TNFRSF8: variants seen among roughly 807,000 people sequenced by gnomAD.
The protein encoded by TNFRSF8 is TNF receptor superfamily member 8.
Under a neutral mutation model 70.8 loss-of-function variants are expected in TNFRSF8, and 26 were observed. That is an observed-to-expected ratio of 0.37 (90% CI 0.27 to 0.51). The LOEUF is 0.51. Among genes scored for constraint, TNFRSF8 ranks in the 20% least tolerant of loss-of-function variants. The pLI, the probability that TNFRSF8 is intolerant of heterozygous loss-of-function variation, is 0.94. For synonymous variants in TNFRSF8, 356 were observed against 339.2 expected, an observed-to-expected ratio of 1.05 and a Z score of -0.54; for missense variants, 720 against 807.9, an observed-to-expected ratio of 0.89 and a Z score of 1.32.
chr1:12,130,350 C>CT (rs1376794452), intron 12 of TNFRSF8, among the ~76,000 whole-genome samples: 2 of 152,214 alleles, frequency 1.3e-5, no homozygotes, highest in Admixed American at 6.5e-5. Flanking sequence ...GGGAGAGCCC[C>CT]TTTAAGCTGG....
At chr1:12,090,697 G>C (rs139384664) in intron 2 of TNFRSF8, among the ~76,000 whole-genome samples, 1 of 152,124 alleles carries the variant, frequency 6.6e-6, no homozygotes, top group South Asian at 2.1e-4. Context: ...TCAACCATGG[G>C]GGGGCAGCTA....
rs1557581383 is a variant in TNFRSF8, at chr1:12,088,410, CGTATCA to C, written c.151+3862_151+3867del. Among the ~76,000 whole-genome samples the C allele has an allele frequency of 3.9e-5, 6 of 152,122 alleles. No individual in the cohort carries two copies. Among genetic ancestry groups the C allele is most frequent in the African/African-American group, 1.4e-4 (6 of 41,410 alleles). ...TCAGGAATTTGCACAAGGCCACATGCGTATCAGTGGCTCAGCCGGGCCGTGAACATG... is the reference window on the plus strand; with the variant it reads ...TCAGGAATTTGCACAAGGCCACATGCGTGGCTCAGCCGGGCCGTGAACATG... On this transcript the variant is annotated intron_variant, in intron 2 of 14. Transcript: ENST00000263932. This position sits in a 1 kb window ranked among gnomAD's most constrained non-coding sequence, Gnocchi z 4.0.
In TNFRSF8 at chr1:12,109,519, T is replaced by C; in HGVS notation, c.422-47T>C. The C allele has an allele frequency of 6.6e-7, 1 of 1,525,042 alleles. No homozygotes were observed. The highest frequency in any genetic ancestry group is 1.1e-5 in the South Asian group (1 of 88,262). 94.5% of individuals were successfully genotyped at this position (1,525,042 alleles called of 1,614,324 possible). A position where few individuals can be genotyped will look rare whatever the true frequency, so the allele number is the denominator to read the frequency against. ...AGTGAAGGGTGTATTCCGGGAGACT[T>C]TGGGTCCCCAACACTGATTCTGAAG... On this transcript the variant is annotated intron_variant, in intron 4 of 14. Coordinates refer to ENST00000263932, the MANE Select transcript of TNFRSF8 (RefSeq NM_001243.5). The surrounding 1 kb of genome is among the most constrained non-coding windows in gnomAD (Gnocchi z 4.4).
intron 10 of TNFRSF8, among the ~76,000 whole-genome samples, chr1:12,125,212 G>A (rs1275653081): frequency 1.3e-5 from 2 of 152,192 alleles, no homozygotes; most frequent in African/African-American, 4.8e-5. Context: ...CTAGCTCTAT[G>A]ATCTCTGTAA....
chr1:12,088,957 C>T lies in TNFRSF8; in HGVS notation c.151+4406C>T, dbSNP rs1016680490. On this transcript the variant is annotated intron_variant, in intron 2 of 14. Transcript: ENST00000263932. This position sits in a 1 kb window ranked among gnomAD's most constrained non-coding sequence, Gnocchi z 4.0. ...GCTCCCCTGTGCCCTCTGACACTGT[C>T]CCAGCAGAGCCCCCTCACAGCACCT... is the stretch of plus-strand genomic sequence containing the variant. Among the ~76,000 whole-genome samples the T allele has an allele frequency of 3.3e-5, 5 of 152,126 alleles. No individual in the cohort carries two copies. Among genetic ancestry groups the T allele is most frequent in the African/African-American group, 1.2e-4 (5 of 41,424 alleles).
intron 1 of TNFRSF8, among the ~76,000 whole-genome samples, chr1:12,079,927 CTACTT>C (rs1641033550): frequency 6.7e-6 from 1 of 150,036 alleles, no homozygotes; most frequent in African/African-American, 2.4e-5. Flanking sequence ...ATTTTTATCA[CTACTT>C]TATTTTTTAA....
At chr1:12,115,510 G>A in intron 7 of TNFRSF8, 67 bp from the exon 8 acceptor site, 4 of 1,565,940 alleles carry the variant, frequency 2.6e-6, no homozygotes, top group Non-Finnish European at 2.6e-6. Flanking sequence ...GTCTTCCTGG[G>A]GGCTCTCTGG....
chr1:12,123,540 G>A (rs933019688), intron 9 of TNFRSF8, among the ~76,000 whole-genome samples, 163 bp downstream of exon 9: 1 of 152,218 alleles, frequency 6.6e-6, no homozygotes, highest in African/African-American at 2.4e-5. Context: ...CCATTGGAAA[G>A]CCAGAAGGCC....
In TNFRSF8 at chr1:12,088,710, G is replaced by A. The variant is rs1341920445; in HGVS notation, c.151+4159G>A. Among the ~76,000 whole-genome samples the A allele has an allele frequency of 6.6e-6, 1 of 152,238 alleles. No individual in the cohort carries two copies. Among genetic ancestry groups the A allele is most frequent in the African/African-American group, 2.4e-5 (1 of 41,462 alleles). ...AAGTGTTAGGTAGGGAGCATGGCAG[G>A]TGTATCCCATCTTGTCCCAGGAGCT... On this transcript the variant is annotated intron_variant, in intron 2 of 14. Transcript: ENST00000263932. The surrounding 1 kb of genome is among the most constrained non-coding windows in gnomAD (Gnocchi z 4.0).
At chr1:12,071,218 T>C (rs1433327057) in intron 1 of TNFRSF8, among the ~76,000 whole-genome samples, 1 of 152,160 alleles carries the variant, frequency 6.6e-6, no homozygotes, top group Non-Finnish European at 1.5e-5. Flanking sequence ...GGTGGGCAGA[T>C]AGTTGGGGCC....
intron 1 of TNFRSF8, among the ~76,000 whole-genome samples, chr1:12,066,165 G>A (rs1161426591): frequency 6.6e-6 from 1 of 151,960 alleles, no homozygotes; most frequent in Non-Finnish European, 1.5e-5. Context: ...ATCTCTCTGG[G>A]CTCAGGCACT....
chr1:12,118,975 C>T (rs1641783839), intron 8 of TNFRSF8, among the ~76,000 whole-genome samples: 1 of 152,170 alleles, frequency 6.6e-6, no homozygotes, highest in Admixed American at 6.5e-5. Context: ...AGCAGTTTTC[C>T]TGCCTCAGCC....
In TNFRSF8 at chr1:12,138,288, C is replaced by T. The variant is rs1642186184; in HGVS notation, c.1395C>T (p.Ser465=). The change falls in exon 14 of 15, where the codon AGC becomes AGT. Residue 465 remains serine, a synonymous_variant. Coordinates refer to ENST00000263932, the MANE Select transcript of TNFRSF8 (RefSeq NM_001243.5). The surrounding 1 kb of genome is among the most constrained non-coding windows in gnomAD (Gnocchi z 5.7). ...TCGCGGAAGAGCGAGGGTTAATGAG[C>T]CAGCCACTGATGGAGACCTGCCACA... ...EPVAEERGLM[S]QPLMETCHSV... 6.2e-7 allele frequency: 1 copy of T among 1,613,472 alleles called. No homozygotes were observed. Among genetic ancestry groups the T allele is most frequent in the South Asian group, 1.1e-5 (1 of 91,078 alleles).
rs2101002087 is a variant in TNFRSF8 at position 12,108,726 on chromosome 1, T to C, written c.422-840T>C. Among the ~76,000 whole-genome samples the C allele has an allele frequency of 6.6e-6, 1 of 152,196 alleles. No individual in the cohort carries two copies. The highest frequency in any genetic ancestry group is 1.5e-5 in the Non-Finnish European group (1 of 68,006). On this transcript the variant is annotated intron_variant, in intron 4 of 14. Coordinates refer to ENST00000263932, the MANE Select transcript of TNFRSF8 (RefSeq NM_001243.5). This position sits in a 1 kb window ranked among gnomAD's most constrained non-coding sequence, Gnocchi z 4.0. ...TACTCAGGAGGCTGAGGCAGGAGAA[T>C]TGCTTGAACCTGGGAGGCAGAGGTT...
intron 2 of TNFRSF8, among the ~76,000 whole-genome samples, chr1:12,094,639 T>A (rs1641300108): frequency 6.7e-6 from 1 of 149,524 alleles, no homozygotes; most frequent in African/African-American, 2.5e-5. Flanking sequence ...TTGCTTTTTT[T>A]TTTTGAGACG....
chr1:12,132,373 G>GATCTTGTTTCTCAA (rs1642064047), intron 12 of TNFRSF8, among the ~76,000 whole-genome samples: 1 of 152,256 alleles, frequency 6.6e-6, no homozygotes, highest in South Asian at 2.1e-4. Flanking sequence ...CCGTTTCTCA[G>GATCTTGTTTCTCAA]ATCTTGTTTC....
At chr1:12,104,211 G>T (rs1641475455) in intron 3 of TNFRSF8, among the ~76,000 whole-genome samples, 168 bp from the exon 4 acceptor site, 1 of 151,936 alleles carries the variant, frequency 6.6e-6, no homozygotes, top group African/African-American at 2.4e-5. Context: ...TAAAAAATTG[G>T]TACATTAATT....
chr1:12,140,391 TC>T (rs1318802846), intron 14 of TNFRSF8, among the ~76,000 whole-genome samples: 1 of 152,134 alleles, frequency 6.6e-6, no homozygotes, highest in Non-Finnish European at 1.5e-5. Flanking sequence ...TCGTCCCTCT[TC>T]CCCTGGGAAC....
At position 12,076,670 on chromosome 1, in the gene TNFRSF8, T is replaced by C. The variant is rs11569796; in HGVS notation, c.64-7794T>C. 3.0e-4 allele frequency among the ~76,000 whole-genome samples: 46 copies of C among 152,284 alleles called. 1 individual carries two copies. In the East Asian group the frequency reaches 4.4e-3, roughly 15 times the overall value. Reference sequence around the variant, plus strand: ...GGGGAAAACTCAACTCGGCACCTGCTTGCAGTGGGACAACTGTGAGAGGTG... The same window carrying C: ...GGGGAAAACTCAACTCGGCACCTGCCTGCAGTGGGACAACTGTGAGAGGTG... On this transcript the variant is annotated intron_variant, in intron 1 of 14. Transcript: ENST00000263932.
Sources: allele counts gnomAD v4.1 joint callset (sites outside exome capture counted in the v4.1 genomes callset), GRCh38; gene constraint gnomAD v4.1.1; non-coding constraint Gnocchi (gnomAD v3.1); transcripts MANE v1.5; gene names NCBI Gene and HGNC (gene_info 2026-07-23, HGNC 2026-07-21).